The following FAM178B variants were observed in gnomAD, a reference collection of about 807,000 sequenced individuals.
FAM178B encodes the protein protein FAM178B.
In FAM178B, 82 loss-of-function variants were observed where a neutral mutation model predicts 91.7. The observed-to-expected ratio is 0.89, with a 90% CI of 0.75 to 1.07. The LOEUF (loss-of-function observed/expected upper bound fraction) is 1.07, where lower values mean the gene tolerates loss of function less well. FAM178B is among the 50% of genes least tolerant of loss of function. FAM178B has a pLI of 0.00. For synonymous variants in FAM178B, 368 were observed against 359.4 expected (o/e 1.02, Z -0.27); for missense variants, 769 against 846.7 (o/e 0.91, Z 1.14).
rs76632287 is a variant in FAM178B, at chr2:96,933,325, G to A, written c.1079-4005C>T. Among the ~76,000 whole-genome samples, 483 of 152,320 alleles carry A rather than the reference G, an allele frequency of 3.2e-3. 1 individual carries two copies. Among genetic ancestry groups the A allele is most frequent in the African/African-American group, 0.011 (470 of 41,576 alleles). ...CTGGGCTCTGTGTAAGAGGCTGTGA[G>A]TCTGCAGGCGTCCCTTTAGGTTACC... On this transcript the variant is annotated intron_variant, in intron 8 of 16. Coordinates refer to ENST00000490605, the MANE Select transcript of FAM178B (RefSeq NM_001122646.3).
At chr2:96,956,333 G>A (rs937634293) in intron 6 of FAM178B, among the ~76,000 whole-genome samples, 5 of 152,210 alleles carry the variant, frequency 3.3e-5, no homozygotes, top group African/African-American at 1.2e-4. Flanking sequence ...AGCTAGCTTG[G>A]TGATGGATGA....
At chr2:96,876,442 C>T (rs553191190) in intron 16 of FAM178B, 134 bp from the exon 17 acceptor site, 11 of 1,133,280 alleles carry the variant, frequency 9.7e-6, no homozygotes, top group East Asian at 5.1e-5. Context: ...AGCAGGATGC[C>T]TGGGTTCACA....
At chr2:96,886,917 TA>T (rs532658466) in intron 14 of FAM178B, among the ~76,000 whole-genome samples, 6 of 151,646 alleles carry the variant, frequency 4.0e-5, no homozygotes, top group South Asian at 2.1e-4. Context: ...GGCTCATTTT[TA>T]AAAAAAAACC....
At chr2:96,976,193 C>A (rs1243696029) in intron 1 of FAM178B, among the ~76,000 whole-genome samples, 1 of 151,658 alleles carries the variant, frequency 6.6e-6, no homozygotes, top group Non-Finnish European at 1.5e-5. Context: ...CTCCCAGGTT[C>A]AAGCGATTCT....
chr2:96,953,761 C>T (rs1303298373), intron 6 of FAM178B, among the ~76,000 whole-genome samples: 3 of 152,316 alleles, frequency 2.0e-5, no homozygotes, highest in African/African-American at 7.2e-5. Context: ...CTCGGTGGGA[C>T]GGGAGTGCTG....
chr2:96,967,651 C>A lies in FAM178B; in HGVS notation c.627-24G>T, dbSNP rs1183412850. ...CCCTATAGGAAGTCGAGGGCCAGAG[C>A]CGGGGGTCAGTGTTGTTCCCCATCG... On this transcript the variant is annotated intron_variant, in intron 4 of 16. Coordinates refer to ENST00000490605, the MANE Select transcript of FAM178B (RefSeq NM_001122646.3). The A allele has an allele frequency of 3.3e-6, 5 of 1,494,750 alleles. No individual in the cohort carries two copies. The East Asian group carries it at 1.2e-4, about 37-fold the overall frequency. The allele number at this position is 1,494,750 out of a possible 1,614,324, so 92.6% of individuals were successfully genotyped here.
intron 9 of FAM178B, among the ~76,000 whole-genome samples, chr2:96,928,391 T>C (rs1055600160): frequency 6.6e-6 from 1 of 152,188 alleles, no homozygotes; most frequent in Non-Finnish European, 1.5e-5. Flanking sequence ...CCACCAGAGC[T>C]ATTTATGCAT....
In FAM178B at chr2:96,891,051, G is replaced by A. The variant is rs568549392; in HGVS notation, c.1776+2875C>T. ...TCACTAAGCGGGATAGTCCACAGAAGCTCTTATAGTCCATATAAGCTCTGC... is the reference window on the plus strand; with the variant it reads ...TCACTAAGCGGGATAGTCCACAGAAACTCTTATAGTCCATATAAGCTCTGC... On this transcript the variant is annotated intron_variant, in intron 14 of 16. Coordinates refer to ENST00000490605, the MANE Select transcript of FAM178B (RefSeq NM_001122646.3). Among the ~76,000 whole-genome samples, 17 of 152,302 alleles carry A rather than the reference G, an allele frequency of 1.1e-4. No individual in the cohort carries two copies. In the South Asian group the frequency reaches 1.4e-3, roughly 13 times the overall value.
chr2:96,975,094 CAA>C (rs34807786), intron 1 of FAM178B, among the ~76,000 whole-genome samples: 41 of 56,270 alleles, frequency 7.3e-4, no homozygotes, highest in African/African-American at 3.6e-3. Context: ...GACTCTGTCT[CAA>C]AAAAAAAAAA....
intron 14 of FAM178B, among the ~76,000 whole-genome samples, chr2:96,886,007 C>CTT (rs72545175): frequency 0.42 from 63,930 of 151,764 alleles, 14,945 homozygotes; most frequent in East Asian, 0.75. Flanking sequence ...CCCTTCTTGT[C>CTT]TCGCTTTTTC....
chr2:96,951,546 A>G (rs2081928611), intron 6 of FAM178B, 62 bp from the exon 7 acceptor site: 1 of 1,284,062 alleles, frequency 7.8e-7, no homozygotes, highest in Non-Finnish European at 1.1e-6. Context: ...TCTCGGTGAC[A>G]CCGCGGGAGG....
At chr2:96,896,617 G>A (rs955908009) in intron 13 of FAM178B, among the ~76,000 whole-genome samples, 4 of 152,156 alleles carry the variant, frequency 2.6e-5, no homozygotes, top group Non-Finnish European at 4.4e-5. Flanking sequence ...GGTGGTGGAG[G>A]CTGATTTCCA....
chr2:96,951,135 G>A (rs1178402351), intron 7 of FAM178B, among the ~76,000 whole-genome samples: 1 of 152,110 alleles, frequency 6.6e-6, no homozygotes, highest in African/African-American at 2.4e-5. Flanking sequence ...GGAAGCAGAG[G>A]CTCCCAGCGC....
intron 8 of FAM178B, among the ~76,000 whole-genome samples, chr2:96,946,658 G>A (rs1187421299): frequency 1.3e-5 from 2 of 152,266 alleles, no homozygotes; most frequent in Non-Finnish European, 2.9e-5. Context: ...AAGAAGCAAA[G>A]GAGAGTGGGG....
At chr2:96,876,445 G>C in intron 16 of FAM178B, 137 bp from the exon 17 acceptor site, 2 of 1,080,156 alleles carry the variant, frequency 1.9e-6, no homozygotes, top group East Asian at 5.2e-5. Flanking sequence ...AGGATGCCTG[G>C]GTTCACACTA....
intron 8 of FAM178B, among the ~76,000 whole-genome samples, chr2:96,941,270 G>C (rs926070346): frequency 6.6e-6 from 1 of 152,160 alleles, no homozygotes; most frequent in Non-Finnish European, 1.5e-5. Flanking sequence ...TTGGTACAGA[G>C]AGTAGTTTAA....
chr2:96,957,549 T>C (rs568880074), intron 6 of FAM178B, among the ~76,000 whole-genome samples: 7 of 152,220 alleles, frequency 4.6e-5, no homozygotes, highest in Non-Finnish European at 1.0e-4. Context: ...TTGGCAGGCC[T>C]GCTCTGATCC....
chr2:96,908,107 A>G (rs10191663), intron 12 of FAM178B, among the ~76,000 whole-genome samples: 1 of 152,090 alleles, frequency 6.6e-6, no homozygotes, highest in Non-Finnish European at 1.5e-5. Flanking sequence ...TGGGAAGAAC[A>G]AGGGGGTGGG....
At chr2:96,953,471 C>T (rs150269209) in intron 6 of FAM178B, among the ~76,000 whole-genome samples, 9 of 152,200 alleles carry the variant, frequency 5.9e-5, no homozygotes, top group African/African-American at 2.2e-4. Context: ...TGTACAAGGC[C>T]CTGTTGGCTC....
Sources: allele counts gnomAD v4.1 joint callset (sites outside exome capture counted in the v4.1 genomes callset), GRCh38; gene constraint gnomAD v4.1.1; transcripts MANE v1.5; gene names NCBI Gene and HGNC (gene_info 2026-07-23, HGNC 2026-07-21).